The following CNTN5 variants were observed in gnomAD, a reference collection of about 807,000 sequenced individuals.
CNTN5 encodes the protein contactin 5, also known as contactin-5.
Under a neutral mutation model 129.1 loss-of-function variants are expected in CNTN5, and 77 were observed. That is an observed-to-expected ratio of 0.60 (90% CI 0.50 to 0.72). The LOEUF is 0.72. CNTN5 is among the 30% of genes least tolerant of loss of function. CNTN5 has a pLI of 0.00. For synonymous variants in CNTN5, 509 were observed against 465.6 expected (o/e 1.09, Z -1.20); for missense variants, 1,478 against 1,328.8 (o/e 1.11, Z -1.75).
At chr11:99,035,406 A>C (rs150476478) in intron 1 of CNTN5, among the ~76,000 whole-genome samples, 285 of 152,148 alleles carry the variant, frequency 1.9e-3, no homozygotes, top group African/African-American at 6.4e-3. Flanking sequence ...TGGGAGTCTA[A>C]GTCTCTTTGT....
rs545019880 is a variant in CNTN5, at chr11:99,737,219, C to G, written c.56-82325C>G. 2.2e-4 allele frequency among the ~76,000 whole-genome samples: 34 copies of G among 152,134 alleles called. 1 individual carries two copies. Among genetic ancestry groups the G allele is most frequent in the Non-Finnish European group, 1.3e-4 (9 of 67,948 alleles). ...TTCAAAGTCCAACTCAAGTTGTGCT[C>G]TTACCATGAATTTCTTTACCACCTT... On this transcript the variant is annotated intron_variant, in intron 3 of 24. Transcript: ENST00000524871.
chr11:99,389,510 C>T (rs531387813), intron 2 of CNTN5, among the ~76,000 whole-genome samples: 6 of 152,210 alleles, frequency 3.9e-5, no homozygotes, highest in South Asian at 2.1e-4. Flanking sequence ...GCAGATAATG[C>T]GTAGTGCTGA....
chr11:99,759,288 T>C (rs1473134147), intron 3 of CNTN5, among the ~76,000 whole-genome samples: 1 of 152,160 alleles, frequency 6.6e-6, no homozygotes, highest in Non-Finnish European at 1.5e-5. Flanking sequence ...ATTTTTACAA[T>C]GAAATTCAGG....
At chr11:99,610,587 A>G (rs970887124) in intron 3 of CNTN5, among the ~76,000 whole-genome samples, 9 of 152,208 alleles carry the variant, frequency 5.9e-5, no homozygotes, top group Non-Finnish European at 1.0e-4. Context: ...TGACATTTAT[A>G]TAATTATCAG....
At chr11:99,765,944 AT>A (rs1435661586) in intron 3 of CNTN5, among the ~76,000 whole-genome samples, 1 of 152,038 alleles carries the variant, frequency 6.6e-6, no homozygotes, top group East Asian at 1.9e-4. Flanking sequence ...GCACATTTAT[AT>A]CTGTCAAAGA....
At chr11:100,259,322 C>T (rs1057139167) in intron 17 of CNTN5, among the ~76,000 whole-genome samples, 3 of 152,144 alleles carry the variant, frequency 2.0e-5, no homozygotes, top group African/African-American at 7.2e-5. Flanking sequence ...TACAAAGAGA[C>T]TTAGACTCCC....
intron 9 of CNTN5, among the ~76,000 whole-genome samples, chr11:100,022,323 C>T (rs1169296489): frequency 6.6e-6 from 1 of 152,186 alleles, no homozygotes; most frequent in Non-Finnish European, 1.5e-5. Flanking sequence ...ATAACAGTAT[C>T]TTCCTCTTAA....
chr11:99,820,162 C>T (rs373187025), intron 4 of CNTN5, among the ~76,000 whole-genome samples: 2 of 57,686 alleles, frequency 3.5e-5, no homozygotes, highest in South Asian at 5.0e-4. Flanking sequence ...GTCTTCTTTT[C>T]TAAACATCTT....
chr11:100,109,854 C>T (rs1234074181), intron 13 of CNTN5, among the ~76,000 whole-genome samples: 1 of 152,130 alleles, frequency 6.6e-6, no homozygotes, highest in African/African-American at 2.4e-5. Flanking sequence ...AGTTAGCTCA[C>T]TCATTTCTAC....
intron 2 of CNTN5, among the ~76,000 whole-genome samples, chr11:99,407,590 C>T (rs1942135782): frequency 6.6e-6 from 1 of 152,160 alleles, no homozygotes; most frequent in South Asian, 2.1e-4. Flanking sequence ...GTCCCTCTAT[C>T]CCCCAACTCA....
chr11:99,054,500 C>A (rs1249569588), intron 1 of CNTN5, among the ~76,000 whole-genome samples: 1 of 151,854 alleles, frequency 6.6e-6, no homozygotes, highest in East Asian at 1.9e-4. Context: ...AGAACATAGG[C>A]AGAGTTAAAT....
chr11:99,657,805 C>G (rs61627595), intron 3 of CNTN5, among the ~76,000 whole-genome samples: 1,633 of 151,990 alleles, frequency 0.011, 38 homozygotes, highest in African/African-American at 0.036. Context: ...ATAAAAAATT[C>G]AAGGAAAATT....
At chr11:99,528,608 C>A (rs1407447788) in intron 2 of CNTN5, among the ~76,000 whole-genome samples, 1 of 152,200 alleles carries the variant, frequency 6.6e-6, no homozygotes, top group Non-Finnish European at 1.5e-5. Context: ...TGGGACATTT[C>A]TCCATTTATT....
At chr11:99,073,382 T>G (rs1301905027) in intron 1 of CNTN5, among the ~76,000 whole-genome samples, 4 of 148,462 alleles carry the variant, frequency 2.7e-5, no homozygotes, top group South Asian at 2.1e-4. Flanking sequence ...TGGTTTTTTT[T>G]TTTTTTTTTT....
chr11:100,337,218 A>T, intron 21 of CNTN5: 2 of 1,543,534 alleles, frequency 1.3e-6, no homozygotes, highest in Non-Finnish European at 1.8e-6. Flanking sequence ...TAGTTCCTCC[A>T]GAAACATATG....
chr11:100,115,621 G>A (rs1322636962), intron 13 of CNTN5, among the ~76,000 whole-genome samples: 1 of 151,922 alleles, frequency 6.6e-6, no homozygotes, highest in Non-Finnish European at 1.5e-5. Flanking sequence ...TTTCCCAGAA[G>A]TGCCCCAAAC....
intron 2 of CNTN5, among the ~76,000 whole-genome samples, chr11:99,367,215 T>C (rs900299992): frequency 6.6e-6 from 1 of 152,162 alleles, no homozygotes; most frequent in African/African-American, 2.4e-5. Flanking sequence ...TCACTCAACA[T>C]AGGGGCTGCT....
At position 99,445,889 on chromosome 11, in the gene CNTN5, G is replaced by A. The variant is rs573588014; in HGVS notation, c.-70-110256G>A. On this transcript the variant is annotated intron_variant, in intron 2 of 24. Coordinates refer to ENST00000524871, the MANE Select transcript of CNTN5 (RefSeq NM_014361.4). ...ACCTGAGGTCAGGAGTTCGAGACTA[G>A]CCTGACAAACATGGTGAAACTCTGT... 9.9e-5 allele frequency among the ~76,000 whole-genome samples: 15 copies of A among 151,992 alleles called. No homozygotes were observed. In the South Asian group the frequency reaches 3.1e-3, roughly 32 times the overall value.
intron 16 of CNTN5, among the ~76,000 whole-genome samples, chr11:100,240,870 G>A (rs1949726207): frequency 1.3e-5 from 2 of 152,158 alleles, no homozygotes; most frequent in African/African-American, 4.8e-5. Flanking sequence ...TCTGTGATAG[G>A]TTTGTGAAAA....
Sources: gnomAD v4.1 joint callset for allele counts (sites outside exome capture counted in the v4.1 genomes callset) on GRCh38, gnomAD v4.1.1 for gene constraint, MANE v1.5 for transcripts, NCBI Gene and HGNC (gene_info 2026-07-23, HGNC 2026-07-21) for gene names.